The following ABCC4 variants were observed in gnomAD, a reference collection of about 807,000 sequenced individuals.
ABCC4 encodes the protein ATP-binding cassette sub-family C member 4.
In ABCC4, 102 loss-of-function variants were observed where a neutral mutation model predicts 168.5. That is an observed-to-expected ratio of 0.61 (90% CI 0.52 to 0.71). The LOEUF (loss-of-function observed/expected upper bound fraction) is 0.71, where lower values mean the gene tolerates loss of function less well. Among genes scored for constraint, ABCC4 ranks in the 30% least tolerant of loss-of-function variants. The pLI, the probability that ABCC4 is intolerant of heterozygous loss-of-function variation, is 0.00. For synonymous variants in ABCC4, 617 were observed against 590.7 expected (o/e 1.04, Z -0.65); for missense variants, 1,402 against 1,605.8 (o/e 0.87, Z 2.17).
chr13:95,155,914 T>C (rs1279606540), intron 19 of ABCC4, among the ~76,000 whole-genome samples: 1 of 151,824 alleles, frequency 6.6e-6, no homozygotes, highest in African/African-American at 2.4e-5. Context: ...AAACAAAGAG[T>C]GAAATTGTAG....
At chr13:95,108,882 C>T (rs974615198) in intron 20 of ABCC4, among the ~76,000 whole-genome samples, 1 of 152,128 alleles carries the variant, frequency 6.6e-6, no homozygotes, top group African/African-American at 2.4e-5. Context: ...CCTCCCTCAA[C>T]CTGCCCCCAT....
intron 8 of ABCC4, among the ~76,000 whole-genome samples, chr13:95,204,762 C>T (rs374889037): frequency 3.3e-5 from 5 of 152,156 alleles, no homozygotes; most frequent in African/African-American, 1.2e-4. Flanking sequence ...CTAAGATAGG[C>T]AAACTCCTTA....
At chr13:95,291,427 C>T (rs764712910) in intron 1 of ABCC4, among the ~76,000 whole-genome samples, 30 of 151,882 alleles carry the variant, frequency 2.0e-4, no homozygotes, top group Non-Finnish European at 2.9e-4. Flanking sequence ...ATAAAGCAGA[C>T]CTCCATATGA....
chr13:95,117,285 C>T (rs569382260), intron 19 of ABCC4, among the ~76,000 whole-genome samples: 7 of 151,096 alleles, frequency 4.6e-5, no homozygotes, highest in African/African-American at 1.5e-4. Context: ...CCAGGCACAA[C>T]GCCAGGTACT....
In ABCC4 at chr13:95,247,677, C is replaced by A. The variant is rs747434414; in HGVS notation, c.151G>T (p.Asp51Tyr). 6 of 1,613,956 alleles carry A rather than the reference C, an allele frequency of 3.7e-6. No individual in the cohort carries two copies. Among genetic ancestry groups the A allele is most frequent in the African/African-American group, 1.3e-5 (1 of 74,868 alleles). Reference protein sequence around the residue: ...EDDMYSVLPEDRSQHLGEELQ... With the variant: ...EDDMYSVLPEYRSQHLGEELQ... Reference sequence around the variant, plus strand: ...TCCTCTCCAAGGTGCTGTGAGCGGTCTTCTGGCAGCACTGAATACATATCA... The same window carrying A: ...TCCTCTCCAAGGTGCTGTGAGCGGTATTCTGGCAGCACTGAATACATATCA... The change falls in exon 2 of 31, where the codon GAC becomes TAC. Residue 51 changes from aspartate (D) to tyrosine (Y), a missense_variant. Around this residue, in one of 3 missense-constraint regions of ABCC4, gnomAD observed 317 missense variants for 345.5 expected, o/e 0.92. Coordinates refer to ENST00000645237, the MANE Select transcript of ABCC4 (RefSeq NM_005845.5).
chr13:95,162,337 C>T (rs1488249946), intron 18 of ABCC4, among the ~76,000 whole-genome samples: 1 of 152,170 alleles, frequency 6.6e-6, no homozygotes, highest in African/African-American at 2.4e-5. Flanking sequence ...AAAGATAACT[C>T]ACTCTATCTC....
Position 95,151,064 on chromosome 13 carries a change from A to C in ABCC4, c.2455+10125T>G, listed in dbSNP as rs2036657839. On this transcript the variant is annotated intron_variant, in intron 19 of 30. Coordinates refer to ENST00000645237, the MANE Select transcript of ABCC4 (RefSeq NM_005845.5). ...ATTATGAAGAAGACATATCTGATGG[A>C]GCTATGCTCATGTGTGTTGTATCTA... Among the ~76,000 whole-genome samples the C allele has an allele frequency of 2.0e-5, 3 of 152,254 alleles. No individual in the cohort carries two copies. In the South Asian group the frequency reaches 6.2e-4, roughly 32 times the overall value.
At chr13:95,229,421 T>A (rs1298951756) in intron 4 of ABCC4, among the ~76,000 whole-genome samples, 1 of 152,094 alleles carries the variant, frequency 6.6e-6, no homozygotes, top group Non-Finnish European at 1.5e-5. Flanking sequence ...CCAAACTTTC[T>A]CAATTCTGCA....
chr13:95,044,060 A>C (rs1485821252), intron 28 of ABCC4, among the ~76,000 whole-genome samples: 1 of 152,196 alleles, frequency 6.6e-6, no homozygotes, highest in African/African-American at 2.4e-5. Flanking sequence ...TTAGGAATCT[A>C]GCTCTCCTGG....
intron 20 of ABCC4, among the ~76,000 whole-genome samples, chr13:95,102,318 T>C (rs918599473): frequency 5.3e-5 from 8 of 152,124 alleles, no homozygotes; most frequent in African/African-American, 1.9e-4. Flanking sequence ...CTAATTGTTT[T>C]ATTTTTTTGT....
At chr13:95,089,759 A>G (rs1754665287) in intron 20 of ABCC4, among the ~76,000 whole-genome samples, 1 of 151,982 alleles carries the variant, frequency 6.6e-6, no homozygotes, top group Admixed American at 6.6e-5. Context: ...GAAGAACCAC[A>G]TGATCATATA....
intron 16 of ABCC4, among the ~76,000 whole-genome samples, chr13:95,164,037 T>A (rs2037186011): frequency 1.3e-5 from 1 of 74,170 alleles, no homozygotes. Context: ...CAAAACTCCA[T>A]CTCAAAAAAA....
intron 1 of ABCC4, chr13:95,266,406 AG>A (rs2040675824): frequency 1.3e-5 from 2 of 152,328 alleles, no homozygotes; most frequent in South Asian, 4.1e-4. Flanking sequence ...CACCATACCA[AG>A]GGAACACAGC....
At chr13:95,271,936 T>G (rs965664339) in intron 1 of ABCC4, among the ~76,000 whole-genome samples, 2 of 152,130 alleles carry the variant, frequency 1.3e-5, no homozygotes, top group Non-Finnish European at 2.9e-5. Flanking sequence ...CAGTTTGAAC[T>G]CACAAAAAAT....
rs180856883 is a variant in ABCC4, at chr13:95,095,588, T to C, written c.2536-12298A>G. ...ATAAAACACTACAAATATGGTGCAG[T>C]GTACACTGCTTGGGTGATGGGTGCA... On this transcript the variant is annotated intron_variant, in intron 20 of 30. Transcript: ENST00000645237. 2.2e-3 allele frequency among the ~76,000 whole-genome samples: 329 copies of C among 152,206 alleles called. 1 individual carries two copies. Among genetic ancestry groups the C allele is most frequent in the Non-Finnish European group, 4.0e-3 (270 of 68,002 alleles).
chr13:95,043,893 CTATT>C lies in ABCC4; in HGVS notation c.3630-110_3630-107del, dbSNP rs1396926302. 13 of 705,072 alleles carry C rather than the reference CTATT, an allele frequency of 1.8e-5. No individual in the cohort carries two copies. The East Asian group carries it at 3.5e-4, about 19-fold the overall frequency. 43.7% of individuals were successfully genotyped at this position (705,072 alleles called of 1,614,324 possible). A position where few individuals can be genotyped will look rare whatever the true frequency, so the allele number is the denominator to read the frequency against. On this transcript the variant is annotated intron_variant, in intron 28 of 30. Coordinates refer to ENST00000645237, the MANE Select transcript of ABCC4 (RefSeq NM_005845.5). ...GAGATTTAAAAAAAAAAGATCATAT[CTATT>C]TAATGTTTTAAAAATCATGTTAAAA...
chr13:95,028,985 G>A (rs566731103), intron 30 of ABCC4, among the ~76,000 whole-genome samples: 2 of 151,692 alleles, frequency 1.3e-5, no homozygotes, highest in East Asian at 3.9e-4. Context: ...GGCCAACATG[G>A]TAAAAACCCA....
rs186872773 is a variant in ABCC4, at chr13:95,256,798, C to A, written c.75-9045G>T. Among the ~76,000 whole-genome samples, 20 of 152,072 alleles carry A rather than the reference C, an allele frequency of 1.3e-4. No homozygotes were observed. In the East Asian group the frequency reaches 2.9e-3, roughly 22 times the overall value. ...AGAAAAATCAAAAAAAAAATCTGGA[C>A]ATTAATTAGTGCCTGTTCAAATCAA... On this transcript the variant is annotated intron_variant, in intron 1 of 30. Coordinates refer to ENST00000645237, the MANE Select transcript of ABCC4 (RefSeq NM_005845.5).
chr13:95,255,978 C>CA (rs1258272192), intron 1 of ABCC4, among the ~76,000 whole-genome samples: 2 of 152,164 alleles, frequency 1.3e-5, no homozygotes, highest in African/African-American at 2.4e-5. Flanking sequence ...CAACCAGTAC[C>CA]AAGCATCTAC....
Sources: gnomAD v4.1 joint callset for allele counts (sites outside exome capture counted in the v4.1 genomes callset) on GRCh38, gnomAD v4.1.1 for gene constraint, gnomAD v4.1.1 regional missense constraint, MANE v1.5 for transcripts, NCBI Gene and HGNC (gene_info 2026-07-23, HGNC 2026-07-21) for gene names.